The following ADAMTS10 variants were observed in gnomAD, a reference collection of about 807,000 sequenced individuals.
ADAMTS10 encodes the protein ADAM metallopeptidase with thrombospondin type 1 motif 10.
In ADAMTS10, 48 loss-of-function variants were observed where a neutral mutation model predicts 135.9. The observed-to-expected ratio is 0.35, with a 90% CI of 0.28 to 0.45. The LOEUF (loss-of-function observed/expected upper bound fraction) is 0.45, where lower values mean the gene tolerates loss of function less well. Among genes scored for constraint, ADAMTS10 ranks in the 20% least tolerant of loss-of-function variants. The pLI, the probability that ADAMTS10 is intolerant of heterozygous loss-of-function variation, is 1.00. For missense variants in ADAMTS10, 1,131 were observed against 1,565.2 expected (o/e 0.72, Z 4.68); for synonymous variants, 621 against 647.5 (o/e 0.96, Z 0.62).
At chr19:8,592,903 C>G (rs201226522) in intron 12 of ADAMTS10, 33 bp from the exon 13 acceptor site, 28 of 1,589,710 alleles carry the variant, frequency 1.8e-5, no homozygotes, top group Non-Finnish European at 2.2e-5. Context: ...AGGCTCGCCC[C>G]CCTCCCTTCC....
chr19:8,585,075 G>C (rs913103751), intron 24 of ADAMTS10, 21 bp from the exon 25 acceptor site: 6 of 1,448,358 alleles, frequency 4.1e-6, no homozygotes, highest in Non-Finnish European at 9.2e-7. Context: ...GCACCACTCA[G>C]TTGCTGCCCC....
In ADAMTS10 at chr19:8,596,959, C is replaced by T; in HGVS notation, c.1040+28G>A. ...CCTGGACCATCTGTTTTCTCAGCCC[C>T]AGTCCTAGACCTCTCCTGTCCCCTC... On this transcript the variant is annotated intron_variant, in intron 8 of 25. Coordinates refer to ENST00000597188, the MANE Select transcript of ADAMTS10 (RefSeq NM_030957.4). This position sits in a 1 kb window ranked among gnomAD's most constrained non-coding sequence, Gnocchi z 7.2. The T allele has an allele frequency of 6.2e-7, 1 of 1,610,244 alleles. No homozygotes were observed. The highest frequency in any genetic ancestry group is 8.5e-7 in the Non-Finnish European group (1 of 1,179,866).
In ADAMTS10 at chr19:8,586,465, C is replaced by G. The variant is rs61757472; in HGVS notation, c.2409G>C (p.Leu803=). The change falls in exon 21 of 26, where the codon CTG becomes CTC. Residue 803 remains leucine, a synonymous_variant. Coordinates refer to ENST00000597188, the MANE Select transcript of ADAMTS10 (RefSeq NM_030957.4). The part of the protein sequence containing the change: ...PINASLIVMV[L]ARTELPALRY... ...GGAGGGCAGGCAGCTCGGTCCGGGCCAGCACCTGGAGAAAGGGGGCGGCAG... is the reference window on the plus strand; with the variant it reads ...GGAGGGCAGGCAGCTCGGTCCGGGCGAGCACCTGGAGAAAGGGGGCGGCAG... 539 of 1,613,662 alleles carry G rather than the reference C, an allele frequency of 3.3e-4. 4 individuals are homozygous for G. In the African/African-American group the frequency reaches 6.2e-3, roughly 18 times the overall value.
chr19:8,585,567 C>T lies in ADAMTS10; in HGVS notation c.2754G>A (p.Ala918=), dbSNP rs782182584. 6.2e-7 allele frequency: 1 copy of T among 1,603,930 alleles called. No individual in the cohort carries two copies. The highest frequency in any genetic ancestry group is 1.1e-5 in the South Asian group (1 of 89,972). ...CGCTGTCGTCCAGCGCCTTCTCCTC[C>T]GCGGCAGAGACGCGGCGCTGGCACA... is the stretch of plus-strand genomic sequence containing the variant. ...SVVCQRRVSA[A]EEKALDDSAC... is the part of the protein sequence containing the mutation. Residue 918 remains alanine (A), a synonymous_variant, in exon 23 of 26, where the codon GCG becomes GCA. Coordinates refer to ENST00000597188, the MANE Select transcript of ADAMTS10 (RefSeq NM_030957.4).
intron 4 of ADAMTS10, 69 bp from the exon 5 acceptor site, chr19:8,603,953 T>TAAA: frequency 6.8e-7 from 1 of 1,473,690 alleles, no homozygotes; most frequent in Non-Finnish European, 9.1e-7. Flanking sequence ...CCTGGGACCT[T>TAAA]CTCTCTGTCT....
At chr19:8,606,564 G>A (rs912294718) in intron 2 of ADAMTS10, among the ~76,000 whole-genome samples, 5 of 152,074 alleles carry the variant, frequency 3.3e-5, no homozygotes, top group African/African-American at 1.2e-4. Flanking sequence ...AACACGCCCA[G>A]CTACATTTTT....
chr19:8,583,771 C>T (rs781843583), intron 25 of ADAMTS10, among the ~76,000 whole-genome samples: 11 of 152,142 alleles, frequency 7.2e-5, no homozygotes, highest in African/African-American at 1.7e-4. Context: ...ACAGGAGGAT[C>T]GCTTGAGCCT....
intron 2 of ADAMTS10, among the ~76,000 whole-genome samples, chr19:8,607,745 TTC>T (rs2042735879): frequency 6.6e-6 from 1 of 151,910 alleles, no homozygotes; most frequent in Non-Finnish European, 1.5e-5. Context: ...CTCACAGATA[TTC>T]TGTGACCCCT....
At chr19:8,595,702 T>TG in intron 12 of ADAMTS10, 60 bp downstream of exon 12, 174 of 893,990 alleles carry the variant, frequency 1.9e-4, no homozygotes, top group Middle Eastern at 3.2e-4. Flanking sequence ...TGGAGTTCCC[T>TG]CCCCCAGCCC....
chr19:8,605,633 G>A lies in ADAMTS10; in HGVS notation c.78C>T (p.Phe26=), dbSNP rs2042713663. 6.2e-7 allele frequency: 1 copy of A among 1,613,548 alleles called. No individual in the cohort carries two copies. The highest frequency in any genetic ancestry group is 1.7e-5 in the Admixed American group (1 of 59,966). Residue 26 remains phenylalanine, a synonymous_variant, in exon 3 of 26, where the codon TTC becomes TTT. Coordinates refer to ENST00000597188, the MANE Select transcript of ADAMTS10 (RefSeq NM_030957.4). This position sits in a 1 kb window ranked among gnomAD's most constrained non-coding sequence, Gnocchi z 7.7. ...CCAGACTTCCCCTACCTTGAGACCG[G>A]AAGGCGTGCGTGACCTCGAACATGA... is the stretch of plus-strand genomic sequence containing the variant. ...LGLMFEVTHA[F]RSQDEFLSSL...
At chr19:8,593,173 C>T (rs2042564099) in intron 12 of ADAMTS10, 1 of 483,166 alleles carries the variant, frequency 2.1e-6, no homozygotes, top group South Asian at 2.2e-5. Context: ...CACACAGCTA[C>T]TAAGGGAATA....
intron 13 of ADAMTS10, chr19:8,592,321 T>A: frequency 1.1e-6 from 1 of 902,678 alleles, no homozygotes; most frequent in Non-Finnish European, 1.6e-6. Context: ...ACAGGGTGCT[T>A]AACGGGGAGG....
At position 8,589,444 on chromosome 19, in the gene ADAMTS10, C is replaced by T. The variant is rs2146054887; in HGVS notation, c.2034+8G>A. 1 of 1,613,514 alleles carries T rather than the reference C, an allele frequency of 6.2e-7. No individual in the cohort carries two copies. Among genetic ancestry groups the T allele is most frequent in the East Asian group, 2.2e-5 (1 of 44,852 alleles). ...TCCCCTCTCCACCTCCCTGGGAGTC[C>T]CCTCCACCTTGCATTCGCCACTGAC... On this transcript the variant is annotated splice_region_variant and intron_variant, in intron 17 of 25. Coordinates refer to ENST00000597188, the MANE Select transcript of ADAMTS10 (RefSeq NM_030957.4).
intron 23 of ADAMTS10, 39 bp from the exon 24 acceptor site, chr19:8,585,347 C>A: frequency 6.5e-7 from 1 of 1,534,070 alleles, no homozygotes; most frequent in East Asian, 2.4e-5. Flanking sequence ...AGGGTGCTGC[C>A]CCAGTGCGAA....
At chr19:8,590,126 G>A (rs782440223) in intron 15 of ADAMTS10, 135 bp from the exon 16 acceptor site, 12 of 685,890 alleles carry the variant, frequency 1.7e-5, no homozygotes, top group Middle Eastern at 3.2e-4. Context: ...GTGGTGGTCT[G>A]CGTGAGACTA....
At chr19:8,586,287 C>T (rs1555737139) in intron 21 of ADAMTS10, 36 bp from the exon 22 acceptor site, 1 of 1,613,252 alleles carries the variant, frequency 6.2e-7, no homozygotes, top group Admixed American at 1.7e-5. Flanking sequence ...TCAGCCCCTC[C>T]CGGCCCAGAG....
chr19:8,592,373 C>G (rs534453981), intron 13 of ADAMTS10, among the ~76,000 whole-genome samples: 2 of 151,772 alleles, frequency 1.3e-5, no homozygotes, highest in African/African-American at 2.4e-5. Flanking sequence ...CGAGGTGGGG[C>G]GTGGCTTCAG....
Position 8,591,849 on chromosome 19 carries a change from C to T in ADAMTS10, c.1748G>A (p.Gly583Asp), listed in dbSNP as rs1555738998. The change falls in exon 15 of 26, where the codon GGC (glycine) becomes GAC (aspartate). Residue 583 changes from glycine to aspartate, a missense_variant. This residue lies in a region of ADAMTS10 where 745 missense variants were observed against 1,056.3 expected (regional missense o/e 0.71). Coordinates refer to ENST00000597188, the MANE Select transcript of ADAMTS10 (RefSeq NM_030957.4). Reference protein sequence around the residue: ...HCDSPRPTIGGKYCLGERRRH... With the variant: ...HCDSPRPTIGDKYCLGERRRH... ...CCTTCTCTCACCCAGACAGTACTTG[C>T]CCCCGATGGTTGGCCTGGAAAGGGT... 1 of 1,613,576 alleles carries T rather than the reference C, an allele frequency of 6.2e-7. No homozygotes were observed. The highest frequency in any genetic ancestry group is 8.5e-7 in the Non-Finnish European group (1 of 1,180,018).
rs2042712623 is a variant in ADAMTS10 at position 8,605,567 on chromosome 19, A to G, written c.88+56T>C. 4 of 1,581,226 alleles carry G rather than the reference A, an allele frequency of 2.5e-6. No individual in the cohort carries two copies. Among genetic ancestry groups the G allele is most frequent in the South Asian group, 2.3e-5 (2 of 87,384 alleles). On this transcript the variant is annotated intron_variant, in intron 3 of 25. Transcript: ENST00000597188. The surrounding 1 kb of genome is among the most constrained non-coding windows in gnomAD (Gnocchi z 7.7). ...TGATGCCTCTTTCTGTTGGAGCCCA[A>G]CTGGTCTCTTACATTTTTCGCTCCC...
Sources: gnomAD v4.1 joint callset for allele counts (sites outside exome capture counted in the v4.1 genomes callset) on GRCh38, gnomAD v4.1.1 for gene constraint, gnomAD v4.1.1 regional missense constraint, Gnocchi (gnomAD v3.1) non-coding constraint, MANE v1.5 for transcripts, NCBI Gene and HGNC (gene_info 2026-07-23, HGNC 2026-07-21) for gene names.